VRK2: variants seen among roughly 807,000 people sequenced by gnomAD.
VRK2 encodes the protein serine/threonine-protein kinase VRK2.
In VRK2, 60 loss-of-function variants were observed where a neutral mutation model predicts 57.6. The observed-to-expected ratio is 1.04, with a 90% confidence interval of 0.85 to 1.29. VRK2 has a LOEUF of 1.29. Among genes scored for constraint, VRK2 ranks in the 50% most tolerant of loss-of-function variants. VRK2 has a pLI of 0.00. For synonymous variants in VRK2, 231 were observed against 199.2 expected, an observed-to-expected ratio of 1.16 and a Z score of -1.35; for missense variants, 705 against 588.1, an observed-to-expected ratio of 1.20 and a Z score of -2.06.
intron 1 of VRK2, among the ~76,000 whole-genome samples, chr2:58,048,322 A>G (rs536676448): frequency 1.4e-4 from 21 of 152,268 alleles, no homozygotes; most frequent in African/African-American, 4.8e-4. Context: ...TCATTTAACA[A>G]ATGTTTACTG....
chr2:57,924,047 A>G lies in VRK2; in HGVS notation c.-439+16208A>G, dbSNP rs569684403. On this transcript the variant is annotated intron_variant, in intron 1 of 15. Transcript: ENST00000417641. ...GAGTCTATTCTAGATGTGTGAATTT[A>G]TTTCTGTGTTCTCTCTTCCGTTCTT... 2.0e-5 allele frequency among the ~76,000 whole-genome samples: 3 copies of G among 151,776 alleles called. No individual in the cohort carries two copies. In the East Asian group the frequency reaches 5.8e-4, roughly 29 times the overall value.
intron 1 of VRK2, among the ~76,000 whole-genome samples, chr2:57,937,759 A>G (rs1670960103): frequency 6.6e-6 from 1 of 152,062 alleles, no homozygotes; most frequent in African/African-American, 2.4e-5. Context: ...ACTTTTGGTA[A>G]CTTCTGCAGC....
At chr2:57,999,368 A>T (rs1479299748) in intron 1 of VRK2, among the ~76,000 whole-genome samples, 1 of 152,168 alleles carries the variant, frequency 6.6e-6, no homozygotes, top group East Asian at 1.9e-4. Context: ...GTTTGATAAT[A>T]CATATCAAAA....
chr2:57,925,797 T>C (rs1670512066), intron 1 of VRK2, among the ~76,000 whole-genome samples: 1 of 151,928 alleles, frequency 6.6e-6, no homozygotes, highest in Non-Finnish European at 1.5e-5. Flanking sequence ...CTTGATTTTC[T>C]AGTTTTTTAA....
chr2:58,139,922 A>T, intron 11 of VRK2, 90 bp downstream of exon 11: 1 of 1,347,222 alleles, frequency 7.4e-7, no homozygotes. Context: ...AATGAGTCTG[A>T]CAGCTTTCTT....
At chr2:58,147,457 G>A (rs1016852372) in intron 12 of VRK2, among the ~76,000 whole-genome samples, 1 of 151,858 alleles carries the variant, frequency 6.6e-6, no homozygotes, top group South Asian at 2.1e-4. Context: ...ATCGTGCTTG[G>A]TGACAAAACT....
Position 57,992,573 on chromosome 2 carries a change from A to T in VRK2, c.-438-33092A>T, listed in dbSNP as rs188471633. Among the ~76,000 whole-genome samples the T allele has an allele frequency of 6.1e-4, 92 of 152,002 alleles. 2 individuals are homozygous for T. The East Asian group carries it at 0.013, about 21-fold the overall frequency. On this transcript the variant is annotated intron_variant, in intron 1 of 15. Transcript: ENST00000417641. ...GAGACGGAGTCTCGCTCTGTCGCCC[A>T]GGCCGGACTGCGGACTGCAGTGGCG...
intron 7 of VRK2, among the ~76,000 whole-genome samples, chr2:58,107,663 G>A (rs1358087446): frequency 2.6e-5 from 4 of 152,142 alleles, no homozygotes; most frequent in Non-Finnish European, 5.9e-5. Context: ...TTCTTCATAA[G>A]AGACCTCATT....
At chr2:58,094,320 T>C (rs1379880825) in intron 7 of VRK2, among the ~76,000 whole-genome samples, 1 of 152,236 alleles carries the variant, frequency 6.6e-6, no homozygotes. Flanking sequence ...TTCCATTTGT[T>C]TGTGTCCTCT....
intron 1 of VRK2, among the ~76,000 whole-genome samples, chr2:58,002,563 A>G (rs1673122757): frequency 6.6e-6 from 1 of 152,204 alleles, no homozygotes; most frequent in African/African-American, 2.4e-5. Context: ...AGAGATCACC[A>G]TAAGCTGAAA....
chr2:57,991,664 T>A (rs566508840), intron 1 of VRK2, among the ~76,000 whole-genome samples: 1 of 152,008 alleles, frequency 6.6e-6, no homozygotes, highest in Admixed American at 6.6e-5. Context: ...AATATCTGAT[T>A]TTGGCCGGGT....
chr2:58,042,641 C>G (rs1674506055), upstream of VRK2, among the ~76,000 whole-genome samples: 1 of 152,002 alleles, frequency 6.6e-6, no homozygotes, highest in African/African-American at 2.4e-5. Context: ...TTCTTTTTAA[C>G]CAGTGTAAGC....
intron 1 of VRK2, among the ~76,000 whole-genome samples, chr2:57,934,611 TC>T (rs1670844452): frequency 6.6e-6 from 1 of 152,160 alleles, no homozygotes. Context: ...GTTCATATGT[TC>T]CCCCCGATTT....
At chr2:58,047,014 C>T (rs1469672163) in intron 1 of VRK2, 146 bp downstream of exon 1, 1 of 977,142 alleles carries the variant, frequency 1.0e-6, no homozygotes, top group Non-Finnish European at 1.2e-6. Flanking sequence ...TCAGCTCCGG[C>T]CCGGGCAGAG....
rs531801038 is a variant in VRK2, at chr2:58,099,032, C to CAGTG, written c.543+9310_543+9313dup. Among the ~76,000 whole-genome samples, 91 of 152,028 alleles carry CAGTG rather than the reference C, an allele frequency of 6.0e-4. 1 individual carries two copies. Among genetic ancestry groups the CAGTG allele is most frequent in the African/African-American group, 2.0e-3 (85 of 41,516 alleles). ...GGTGTTGCACAATCGATAACTAGAA[C>CAGTG]AGTGGCCTTATAAGGGCTGATCTAG... On this transcript the variant is annotated intron_variant, in intron 7 of 12. Transcript: ENST00000340157.
intron 7 of VRK2, among the ~76,000 whole-genome samples, chr2:58,103,567 A>T (rs1674320942): frequency 6.6e-6 from 1 of 151,780 alleles, no homozygotes; most frequent in Non-Finnish European, 1.5e-5. Context: ...TCCTGAAGAG[A>T]CCAATACGAA....
At chr2:58,068,083 C>T (rs80276486) in intron 2 of VRK2, among the ~76,000 whole-genome samples, 2 of 151,982 alleles carry the variant, frequency 1.3e-5, no homozygotes, top group African/African-American at 2.4e-5. Context: ...GTGTATGCTA[C>T]GACGCCCAGC....
At chr2:57,920,596 G>A (rs916584333) in intron 1 of VRK2, among the ~76,000 whole-genome samples, 5 of 152,022 alleles carry the variant, frequency 3.3e-5, no homozygotes, top group Admixed American at 1.3e-4. Context: ...GTTGAGTATC[G>A]GTGACCATAG....
chr2:57,981,889 A>G (rs935349168), intron 1 of VRK2, among the ~76,000 whole-genome samples: 6 of 152,170 alleles, frequency 3.9e-5, no homozygotes, highest in African/African-American at 1.4e-4. Flanking sequence ...CTATCATTTC[A>G]GCCATTTTAG....
Sources: gnomAD v4.1 joint callset for allele counts (sites outside exome capture counted in the v4.1 genomes callset) on GRCh38, gnomAD v4.1.1 for gene constraint, MANE v1.5 for transcripts, NCBI Gene and HGNC (gene_info 2026-07-23, HGNC 2026-07-21) for gene names.